Variants in STARD13 observed in about 807,000 individuals in gnomAD.
STARD13 encodes stAR-related lipid transfer protein 13.
In STARD13, 62 loss-of-function variants were observed where a neutral mutation model predicts 106.4. The ratio of observed to expected loss-of-function variants is 0.58; its 90% CI spans 0.48 to 0.72. STARD13 has a LOEUF of 0.72. Ranked by LOEUF, STARD13 falls within the 30% of genes least tolerant of loss-of-function variation. STARD13 has a pLI of 0.00. For missense variants in STARD13, 1,387 were observed against 1,424.0 expected, an observed-to-expected ratio of 0.97 and a Z score of 0.42; for synonymous variants, 565 against 553.0, an observed-to-expected ratio of 1.02 and a Z score of -0.31.
chr13:33,412,955 C>CTAATT, the STARD13 span, among the ~76,000 whole-genome samples: 1 of 152,150 alleles, frequency 6.6e-6, no homozygotes, highest in African/African-American at 2.4e-5. Flanking sequence ...CAACTAATAG[C>CTAATT]ATATAATTAA....
chr13:33,350,885 T>A (rs2078072438), upstream of STARD13, among the ~76,000 whole-genome samples: 1 of 152,120 alleles, frequency 6.6e-6, no homozygotes, highest in African/African-American at 2.4e-5. Flanking sequence ...TGGACCATAC[T>A]CCTCCTATTT....
the STARD13 span, among the ~76,000 whole-genome samples, chr13:33,544,141 G>A: frequency 2.6e-5 from 4 of 152,058 alleles, no homozygotes; most frequent in Non-Finnish European, 2.9e-5. Context: ...TAAAATTAAG[G>A]ACAAAATAGT....
chr13:33,638,003 T>A, the STARD13 span, among the ~76,000 whole-genome samples: 2 of 152,250 alleles, frequency 1.3e-5, no homozygotes, highest in African/African-American at 2.4e-5. Flanking sequence ...ATTTCTTTAG[T>A]CACTTGATTT....
chr13:33,624,674 C>T, the STARD13 span, among the ~76,000 whole-genome samples: 5 of 152,214 alleles, frequency 3.3e-5, no homozygotes, highest in African/African-American at 1.2e-4. Context: ...AGTACAATAG[C>T]TATTCAACAG....
chr13:33,413,677 A>G, the STARD13 span, among the ~76,000 whole-genome samples: 2 of 152,162 alleles, frequency 1.3e-5, no homozygotes, highest in African/African-American at 2.4e-5. Context: ...CCACAATCCA[A>G]TTAGAAAATA....
At chr13:33,480,137 A>G in the STARD13 span, among the ~76,000 whole-genome samples, 1 of 152,216 alleles carries the variant, frequency 6.6e-6, no homozygotes, top group Non-Finnish European at 1.5e-5. Context: ...TAACACACAT[A>G]TGCTATATAT....
chr13:33,642,500 C>G, the STARD13 span, among the ~76,000 whole-genome samples: 1,434 of 152,266 alleles, frequency 9.4e-3, 26 homozygotes, highest in African/African-American at 0.033. Context: ...GTGCTTCAGG[C>G]CCCCTGCAGA....
the STARD13 span, among the ~76,000 whole-genome samples, chr13:33,454,806 G>A: frequency 6.6e-6 from 1 of 152,228 alleles, no homozygotes; most frequent in Non-Finnish European, 1.5e-5. Context: ...CCAGATTAGA[G>A]GAGGCCAGTG....
In STARD13 at chr13:33,285,532, C is replaced by T. The variant is rs779019279; in HGVS notation, c.107G>A (p.Arg36His). ...MYLRFDQTTR[R>H]SPYRMSRILA... Reference sequence around the variant, plus strand: ...AATCCGGCTCATCCTGTAAGGAGAGCGTCTTGTAGTCTGATCAAATCGCAA... The same window carrying T: ...AATCCGGCTCATCCTGTAAGGAGAGTGTCTTGTAGTCTGATCAAATCGCAA... The change falls in exon 1 of 14, where the codon CGC becomes CAC. Residue 36 changes from arginine to histidine, a missense_variant. By Grantham distance (29) the Arg-to-His change is conservative. Transcript: ENST00000336934. 2 of 1,614,014 alleles carry T rather than the reference C, an allele frequency of 1.2e-6. No individual in the cohort carries two copies. Among genetic ancestry groups the T allele is most frequent in the Non-Finnish European group, 1.7e-6 (2 of 1,179,920 alleles).
intron 1 of STARD13, among the ~76,000 whole-genome samples, chr13:33,182,163 C>T (rs1167228106): frequency 2.6e-5 from 4 of 152,166 alleles, no homozygotes; most frequent in African/African-American, 9.7e-5. Context: ...ACAATAGTTG[C>T]ACTTTATGTA....
At position 33,105,359 on chromosome 13, in the gene STARD13, T is replaced by C. The variant is rs1186275286; in HGVS notation, c.*234A>G. 1 of 493,122 alleles carries C rather than the reference T, an allele frequency of 2.0e-6. No homozygotes were observed. Among genetic ancestry groups the C allele is most frequent in the East Asian group, 3.2e-5 (1 of 30,958 alleles). The allele number at this position is 493,122 out of a possible 1,614,324, so 30.5% of individuals were successfully genotyped here. ...TCCATTTAATTTTAAGTAATATATA[T>C]AAAGTTCTCATTTTAAAATTATATT... On this transcript the variant is annotated 3_prime_UTR_variant, in exon 14 of 14. Coordinates refer to ENST00000336934, the MANE Select transcript of STARD13 (RefSeq NM_178006.4).
the STARD13 span, among the ~76,000 whole-genome samples, chr13:33,493,690 A>T: frequency 6.6e-6 from 1 of 152,338 alleles, no homozygotes; most frequent in East Asian, 1.9e-4. Flanking sequence ...TTAGTTTTTT[A>T]AAAAGTAGCT....
intron 1 of STARD13, among the ~76,000 whole-genome samples, chr13:33,313,434 T>A (rs149927461): frequency 6.6e-6 from 1 of 152,362 alleles, no homozygotes; most frequent in African/African-American, 2.4e-5. Context: ...AACTTGCTAA[T>A]CTTTCATGCC....
the STARD13 span, chr13:33,661,225 G>A: frequency 2.6e-5 from 4 of 152,182 alleles, no homozygotes; most frequent in Non-Finnish European, 5.9e-5. Context: ...ACCTAAACTG[G>A]AGGATAAATT....
At chr13:33,225,079 A>C (rs1164480390) in intron 1 of STARD13, among the ~76,000 whole-genome samples, 1 of 152,252 alleles carries the variant, frequency 6.6e-6, no homozygotes, top group East Asian at 1.9e-4. Context: ...TATTTTAAAA[A>C]TAGATATATT....
chr13:33,311,967 T>G (rs1335603577), intron 1 of STARD13, among the ~76,000 whole-genome samples: 1 of 152,204 alleles, frequency 6.6e-6, no homozygotes, highest in Non-Finnish European at 1.5e-5. Context: ...AAAAAACACT[T>G]AATGCTGTTT....
At chr13:33,431,006 A>C in the STARD13 span, among the ~76,000 whole-genome samples, 1 of 152,260 alleles carries the variant, frequency 6.6e-6, no homozygotes, top group Non-Finnish European at 1.5e-5. Context: ...ATTCTAGATT[A>C]GTAGGTGGCT....
At chr13:33,532,942 T>C in the STARD13 span, among the ~76,000 whole-genome samples, 2 of 151,834 alleles carry the variant, frequency 1.3e-5, no homozygotes, top group Non-Finnish European at 2.9e-5. Flanking sequence ...AGCCACAAAA[T>C]TTTTCCAAAG....
the STARD13 span, among the ~76,000 whole-genome samples, chr13:33,661,557 G>A: frequency 6.6e-6 from 1 of 152,168 alleles, no homozygotes; most frequent in African/African-American, 2.4e-5. Flanking sequence ...CCGCATGGCC[G>A]GGGAGGCCTC....
Sources: gnomAD v4.1 joint callset for allele counts (sites outside exome capture counted in the v4.1 genomes callset) on GRCh38, gnomAD v4.1.1 for gene constraint, MANE v1.5 for transcripts, NCBI Gene and HGNC (gene_info 2026-07-23, HGNC 2026-07-21) for gene names.